CDH6: variants seen among roughly 807,000 people sequenced by gnomAD.
CDH6 encodes cadherin-6.
Under a neutral mutation model 78.0 loss-of-function variants are expected in CDH6, and 31 were observed. The observed-to-expected ratio is 0.40, with a 90% CI of 0.30 to 0.54. The LOEUF (loss-of-function observed/expected upper bound fraction) is 0.54, where lower values mean the gene tolerates loss of function less well. Among genes scored for constraint, CDH6 ranks in the 20% least tolerant of loss-of-function variants. The probability of loss-of-function intolerance (pLI) is 0.56; values close to 1 mark genes in which losing one functional copy is unlikely to be tolerated. For synonymous variants in CDH6, 376 were observed against 368.8 expected (o/e 1.02, Z -0.23); for missense variants, 724 against 975.9 (o/e 0.74, Z 3.44).
At chr5:31,203,971 G>A (rs1320788954) in intron 1 of CDH6, among the ~76,000 whole-genome samples, 4 of 152,110 alleles carry the variant, frequency 2.6e-5, no homozygotes, top group Non-Finnish European at 1.5e-5. Context: ...GAATGAAGTG[G>A]AGTCACTTAC....
At chr5:31,282,307 A>T (rs994432301) in intron 2 of CDH6, among the ~76,000 whole-genome samples, 1 of 152,072 alleles carries the variant, frequency 6.6e-6, no homozygotes, top group African/African-American at 2.4e-5. Flanking sequence ...CAGCTTCTAG[A>T]TACCACCTGC....
intron 2 of CDH6, among the ~76,000 whole-genome samples, chr5:31,284,835 C>A (rs1742970887): frequency 6.6e-6 from 1 of 152,186 alleles, no homozygotes; most frequent in Non-Finnish European, 1.5e-5. Flanking sequence ...ATCCTTGGCT[C>A]CAAAAGCCCC....
chr5:31,256,863 G>C (rs1418967181), intron 1 of CDH6, among the ~76,000 whole-genome samples: 1 of 152,148 alleles, frequency 6.6e-6, no homozygotes, highest in Non-Finnish European at 1.5e-5. Flanking sequence ...CCCTGGGTAT[G>C]AGCACATCGG....
chr5:31,252,146 T>C (rs1741927127), intron 1 of CDH6, among the ~76,000 whole-genome samples: 1 of 152,220 alleles, frequency 6.6e-6, no homozygotes, highest in East Asian at 1.9e-4. Context: ...ATTCAATTAA[T>C]TGAAATTTTT....
At chr5:31,202,067 C>A (rs1014269709) in intron 1 of CDH6, among the ~76,000 whole-genome samples, 1 of 151,838 alleles carries the variant, frequency 6.6e-6, no homozygotes, top group Admixed American at 6.6e-5. Flanking sequence ...TAAGCCGGAA[C>A]AAACACAGCC....
In CDH6 at chr5:31,258,521, A is replaced by G. The variant is rs549257488; in HGVS notation, c.-128-8825A>G. Among the ~76,000 whole-genome samples the G allele has an allele frequency of 1.5e-4, 23 of 152,260 alleles. No homozygotes were observed. In the South Asian group the frequency reaches 4.8e-3, roughly 32 times the overall value. On this transcript the variant is annotated intron_variant, in intron 1 of 11. Transcript: ENST00000265071. ...GGGCTAGGGGAGGGATAGCATTAGG[A>G]GAAATACCTAATGTAGATGACAGAT...
At chr5:31,313,953 A>C (rs1738229401) in intron 8 of CDH6, among the ~76,000 whole-genome samples, 1 of 152,186 alleles carries the variant, frequency 6.6e-6, no homozygotes. Context: ...TCTATGGTAT[A>C]CCAAAGTGAG....
Position 31,323,167 on chromosome 5 carries a change from C to T in CDH6, c.2232C>T (p.Gly744=). Residue 744 remains glycine, a synonymous_variant, in exon 12 of 12, where the codon GGC becomes GGT. Transcript: ENST00000265071. ...SLATYAYEGT[G]SVADSLSSLE... ...CCACTTACGCCTATGAAGGCACTGG[C>T]TCCGTGGCGGATTCCCTGAGCTCGC... 3 of 1,614,188 alleles carry T rather than the reference C, an allele frequency of 1.9e-6. No individual in the cohort carries two copies. Among genetic ancestry groups the T allele is most frequent in the Non-Finnish European group, 2.5e-6 (3 of 1,180,040 alleles).
intron 1 of CDH6, among the ~76,000 whole-genome samples, chr5:31,220,687 T>C (rs1432242114): frequency 1.3e-5 from 2 of 152,116 alleles, no homozygotes; most frequent in Non-Finnish European, 2.9e-5. Flanking sequence ...CTGGAAATAA[T>C]GGTAGCAAAT....
Position 31,314,356 on chromosome 5 carries a change from G to C in CDH6, c.1390+902G>C, listed in dbSNP as rs145993658. On this transcript the variant is annotated intron_variant, in intron 8 of 11. Transcript: ENST00000265071. ...ATAGAATTTCAATGTTTAAAACTAG[G>C]CTTCTAAATTACAGCTCACTTTTTA... Among the ~76,000 whole-genome samples the C allele has an allele frequency of 3.9e-3, 529 of 135,154 alleles. 2 individuals are homozygous for C. The highest frequency in any genetic ancestry group is 5.9e-3 in the Admixed American group (68 of 11,600). The allele number at this position is 135,154 out of a possible 152,430, so 88.7% of individuals were successfully genotyped here.
In CDH6 at chr5:31,239,342, A is replaced by G. The variant is rs956308753; in HGVS notation, c.-128-28004A>G. On this transcript the variant is annotated intron_variant, in intron 1 of 11. Transcript: ENST00000265071. ...ATAGAAACTGGATTTCTTGGCTTCAAGTTCAGACTTATTTTATTGTACACA... is the reference window on the plus strand; with the variant it reads ...ATAGAAACTGGATTTCTTGGCTTCAGGTTCAGACTTATTTTATTGTACACA... 1.1e-4 allele frequency among the ~76,000 whole-genome samples: 17 copies of G among 152,332 alleles called. No individual in the cohort carries two copies. The South Asian group carries it at 1.5e-3, about 13-fold the overall frequency.
At chr5:31,268,532 G>T (rs1333185761) in intron 2 of CDH6, among the ~76,000 whole-genome samples, 1 of 152,258 alleles carries the variant, frequency 6.6e-6, no homozygotes, top group East Asian at 1.9e-4. Context: ...ATACTGAAAA[G>T]ATGTCAAAGA....
intron 1 of CDH6, among the ~76,000 whole-genome samples, chr5:31,266,062 C>A (rs1223819527): frequency 6.6e-6 from 1 of 152,046 alleles, no homozygotes; most frequent in African/African-American, 2.4e-5. Context: ...CAGGCATGAG[C>A]CACTGTGCCT....
At chr5:31,215,118 GCTTT>G (rs1353024994) in intron 1 of CDH6, among the ~76,000 whole-genome samples, 2 of 152,130 alleles carry the variant, frequency 1.3e-5, no homozygotes, top group African/African-American at 4.8e-5. Context: ...AGTTAGTGAT[GCTTT>G]CTGACACTTT....
chr5:31,231,636 C>G (rs1741312335), intron 1 of CDH6, among the ~76,000 whole-genome samples: 1 of 152,324 alleles, frequency 6.6e-6, no homozygotes, highest in East Asian at 1.9e-4. Flanking sequence ...GCTGAGTGTG[C>G]TAGCTCAGAT....
intron 5 of CDH6, among the ~76,000 whole-genome samples, chr5:31,301,449 A>C (rs1737761487): frequency 6.6e-6 from 1 of 152,184 alleles, no homozygotes; most frequent in Non-Finnish European, 1.5e-5. Context: ...TTTTTTTAAA[A>C]AGTGTCTATA....
At chr5:31,302,937 A>AAGAAAGAG (rs1554010043) in intron 6 of CDH6, among the ~76,000 whole-genome samples, 3 of 130,758 alleles carry the variant, frequency 2.3e-5, no homozygotes, top group African/African-American at 7.7e-5. Context: ...GAAAGAAAGA[A>AAGAAAGAG]AGAAAGAAAG....
chr5:31,274,769 G>A (rs965021223), intron 2 of CDH6, among the ~76,000 whole-genome samples: 1 of 152,194 alleles, frequency 6.6e-6, no homozygotes, highest in Non-Finnish European at 1.5e-5. Flanking sequence ...GCAGTGAGCC[G>A]AGATCTCGCT....
Position 31,267,545 on chromosome 5 carries a change from A to G in CDH6, c.72A>G (p.Leu24=). The change falls in exon 2 of 12, where the codon CTA becomes CTG. Residue 24 remains leucine (L), a synonymous_variant. Coordinates refer to ENST00000265071, the MANE Select transcript of CDH6 (RefSeq NM_004932.4). The stretch of plus-strand genomic sequence containing the variant: ...CCTACCCAACTCTCTCAACTCCACT[A>G]TCAAAGAGGACTAGTGGTTTCCCAG... The part of the protein sequence containing the change: ...GQPYPTLSTP[L]SKRTSGFPAK... 6.2e-7 allele frequency: 1 copy of G among 1,614,018 alleles called. No individual in the cohort carries two copies. Among genetic ancestry groups the G allele is most frequent in the East Asian group, 2.2e-5 (1 of 44,852 alleles).
Sources: allele counts gnomAD v4.1 joint callset (sites outside exome capture counted in the v4.1 genomes callset), GRCh38; gene constraint gnomAD v4.1.1; transcripts MANE v1.5; gene names NCBI Gene and HGNC (gene_info 2026-07-23, HGNC 2026-07-21).